The following TOM1L2 variants were observed in gnomAD, a reference collection of about 807,000 sequenced individuals.
TOM1L2 encodes the protein TOM1-like protein 2.
In TOM1L2, 31 loss-of-function variants were observed where a neutral mutation model predicts 67.9. That is an observed-to-expected ratio of 0.46 (90% CI 0.34 to 0.62). TOM1L2 has a LOEUF of 0.62. Among genes scored for constraint, TOM1L2 ranks in the 20% least tolerant of loss-of-function variants. The pLI is 0.01. For synonymous variants in TOM1L2, 256 were observed against 254.0 expected, an observed-to-expected ratio of 1.01 and a Z score of -0.07; for missense variants, 606 against 663.5, an observed-to-expected ratio of 0.91 and a Z score of 0.95.
At chr17:17,892,637 C>A (rs2038349864) in intron 4 of TOM1L2, among the ~76,000 whole-genome samples, 1 of 150,808 alleles carries the variant, frequency 6.6e-6, no homozygotes, top group Admixed American at 6.6e-5. Flanking sequence ...CTGCCCCCAA[C>A]ATTCTTCATT....
chr17:17,864,978 A>C (rs1486257862), intron 10 of TOM1L2, among the ~76,000 whole-genome samples: 1 of 152,232 alleles, frequency 6.6e-6, no homozygotes, highest in Non-Finnish European at 1.5e-5. Flanking sequence ...GTAGACGAGA[A>C]ATATTTTTTA....
intron 1 of TOM1L2, among the ~76,000 whole-genome samples, chr17:17,909,697 T>C (rs1350021081): frequency 6.6e-6 from 1 of 152,130 alleles, no homozygotes; most frequent in Non-Finnish European, 1.5e-5. Context: ...TTGCACACAA[T>C]GTGAACATAC....
chr17:17,940,333 A>G (rs942853168), intron 1 of TOM1L2, among the ~76,000 whole-genome samples: 1 of 152,094 alleles, frequency 6.6e-6, no homozygotes, highest in African/African-American at 2.4e-5. Context: ...TGGTAGCTTT[A>G]TACAACCCTA....
At chr17:17,965,461 C>T (rs1341862522) in intron 1 of TOM1L2, among the ~76,000 whole-genome samples, 1 of 152,180 alleles carries the variant, frequency 6.6e-6, no homozygotes, top group Non-Finnish European at 1.5e-5. Flanking sequence ...TCTACACAAA[C>T]CAAATCCTCC....
At chr17:17,847,938 G>A (rs575429598) in intron 14 of TOM1L2, among the ~76,000 whole-genome samples, 155 bp from the exon 15 acceptor site, 2 of 151,966 alleles carry the variant, frequency 1.3e-5, no homozygotes, top group Admixed American at 6.5e-5. Flanking sequence ...GCTGCAGTGT[G>A]GGGGGAGGCT....
intron 9 of TOM1L2, 117 bp from the exon 10 acceptor site, chr17:17,866,536 T>C: frequency 1.5e-6 from 2 of 1,347,064 alleles, no homozygotes; most frequent in Non-Finnish European, 2.0e-6. Flanking sequence ...GCTGCTCTAG[T>C]ACAGAAGCAA....
intron 1 of TOM1L2, among the ~76,000 whole-genome samples, chr17:17,964,605 A>G (rs1336603051): frequency 6.6e-6 from 1 of 152,134 alleles, no homozygotes; most frequent in Non-Finnish European, 1.5e-5. Flanking sequence ...AAAAAGCACA[A>G]TGAAAGGCTG....
chr17:17,956,048 CAT>C (rs1275522470), intron 1 of TOM1L2, among the ~76,000 whole-genome samples: 1 of 152,152 alleles, frequency 6.6e-6, no homozygotes, highest in African/African-American at 2.4e-5. Context: ...GCAGTGGACT[CAT>C]GGAGTAAGCA....
chr17:17,901,191 A>C (rs2038836208), intron 2 of TOM1L2, among the ~76,000 whole-genome samples: 1 of 152,218 alleles, frequency 6.6e-6, no homozygotes, highest in African/African-American at 2.4e-5. Context: ...CCGGGGGAAA[A>C]GCTTCAGAGA....
chr17:17,931,909 T>C (rs142374476), intron 1 of TOM1L2, among the ~76,000 whole-genome samples: 1 of 152,350 alleles, frequency 6.6e-6, no homozygotes, highest in Non-Finnish European at 1.5e-5. Context: ...ATCACATTAA[T>C]ATAACCCGAG....
At chr17:17,857,259 TTCTTCAA>T (rs1232603927) in intron 12 of TOM1L2, among the ~76,000 whole-genome samples, 5 of 152,216 alleles carry the variant, frequency 3.3e-5, no homozygotes, top group African/African-American at 1.2e-4. Flanking sequence ...GGCCTGTGTA[TTCTTCAA>T]GAGGTTTCAA....
Position 17,869,468 on chromosome 17 carries a change from G to T in TOM1L2, c.783C>A (p.Leu261=), listed in dbSNP as rs754065157. 4.0e-5 allele frequency: 64 copies of T among 1,606,836 alleles called. No individual in the cohort carries two copies. The highest frequency in any genetic ancestry group is 5.1e-5 in the Non-Finnish European group (60 of 1,176,382). ...DSSDLELLQE[L]NRTCRAMQQR... ...GCTGCATGGCCCGACAGGTCCTGTT[G>T]AGCTCCTAGGGAACACATGCACCTC... Residue 261 remains leucine (L), a synonymous_variant, in exon 8 of 15, where the codon CTC becomes CTA. Transcript: ENST00000379504.
intron 3 of TOM1L2, among the ~76,000 whole-genome samples, chr17:17,894,975 A>G (rs3075551): frequency 0.078 from 11,528 of 147,684 alleles, 1,099 homozygotes; most frequent in African/African-American, 0.22. Context: ...ATACATACAT[A>G]CATGCATGCA....
intron 1 of TOM1L2, among the ~76,000 whole-genome samples, chr17:17,935,255 T>G (rs2040474586): frequency 6.6e-6 from 1 of 152,242 alleles, no homozygotes; most frequent in Non-Finnish European, 1.5e-5. Flanking sequence ...GAGTCAGGTC[T>G]AGGGAGGTAA....
intron 1 of TOM1L2, among the ~76,000 whole-genome samples, chr17:17,919,712 A>G (rs1244001132): frequency 6.6e-6 from 1 of 152,200 alleles, no homozygotes; most frequent in Non-Finnish European, 1.5e-5. Context: ...TAAAGCTACC[A>G]TTGAACCACT....
At chr17:17,886,752 C>T (rs776836153) in intron 4 of TOM1L2, among the ~76,000 whole-genome samples, 14 of 152,240 alleles carry the variant, frequency 9.2e-5, no homozygotes, top group Admixed American at 5.2e-4. Context: ...GATGAAAGAA[C>T]TATGGCTCTT....
chr17:17,856,772 C>T (rs1402163307), intron 12 of TOM1L2, among the ~76,000 whole-genome samples: 1 of 152,232 alleles, frequency 6.6e-6, no homozygotes, highest in Non-Finnish European at 1.5e-5. Flanking sequence ...CATCCCAAGA[C>T]ATACAGCCTG....
At chr17:17,851,165 A>G in intron 12 of TOM1L2, 1 of 574,896 alleles carries the variant, frequency 1.7e-6, no homozygotes. Flanking sequence ...GCAAATGATA[A>G]GAAGCAGGCT....
chr17:17,861,656 AT>A, intron 11 of TOM1L2, 105 bp from the exon 12 acceptor site: 1 of 963,956 alleles, frequency 1.0e-6, no homozygotes. Context: ...CCTTCCTCAG[AT>A]GTCCTTGGAA....
Sources: gnomAD v4.1 joint callset for allele counts (sites outside exome capture counted in the v4.1 genomes callset) on GRCh38, gnomAD v4.1.1 for gene constraint, MANE v1.5 for transcripts, NCBI Gene and HGNC (gene_info 2026-07-23, HGNC 2026-07-21) for gene names.